Variants in CDK19 observed in about 807,000 individuals in gnomAD.
CDK19 encodes the protein cyclin-dependent kinase 19.
A neutral mutation model predicts 68.3 loss-of-function variants in CDK19; 20 were observed. The ratio of observed to expected loss-of-function variants is 0.29; its 90% confidence interval spans 0.21 to 0.43. The LOEUF (loss-of-function observed/expected upper bound fraction) is 0.43, where lower values mean the gene tolerates loss of function less well. Among genes scored for constraint, CDK19 ranks in the 20% least tolerant of loss-of-function variants. The pLI is 1.00. For missense variants in CDK19, 339 were observed against 623.5 expected, an observed-to-expected ratio of 0.54 and a Z score of 4.86; for synonymous variants, 221 against 222.8, an observed-to-expected ratio of 0.99 and a Z score of 0.07.
intron 4 of CDK19, among the ~76,000 whole-genome samples, chr6:110,641,129 C>T (rs900862923): frequency 1.3e-5 from 2 of 151,858 alleles, no homozygotes; most frequent in Non-Finnish European, 2.9e-5. Context: ...GATTGGTTCA[C>T]CATATGAGAT....
chr6:110,811,294 C>G (rs1470129628), intron 1 of CDK19, among the ~76,000 whole-genome samples: 1 of 152,178 alleles, frequency 6.6e-6, no homozygotes, highest in African/African-American at 2.4e-5. Context: ...TATGCATCTA[C>G]ATGTACTCAT....
At chr6:110,794,763 T>C (rs184270285) in intron 1 of CDK19, among the ~76,000 whole-genome samples, 1 of 152,138 alleles carries the variant, frequency 6.6e-6, no homozygotes, top group Admixed American at 6.6e-5. Context: ...AAACTTTGTT[T>C]ATTCTTCACT....
chr6:110,718,636 TCC>T (rs1393755838), intron 2 of CDK19, among the ~76,000 whole-genome samples: 2 of 31,612 alleles, frequency 6.3e-5, no homozygotes, highest in African/African-American at 2.0e-4. Flanking sequence ...ATCTTCAAAG[TCC>T]AAAAAAAAAA....
intron 2 of CDK19, among the ~76,000 whole-genome samples, chr6:110,687,369 A>G (rs184080777): frequency 3.0e-4 from 45 of 152,324 alleles, no homozygotes; most frequent in Non-Finnish European, 5.0e-4. Flanking sequence ...TGTATTTTAG[A>G]TCACTATGCT....
intron 1 of CDK19, among the ~76,000 whole-genome samples, chr6:110,746,980 T>C (rs998461636): frequency 9.2e-5 from 14 of 152,284 alleles, no homozygotes; most frequent in African/African-American, 3.1e-4. Context: ...TCAAGGGTGC[T>C]GATACCAGAA....
At chr6:110,798,407 C>T (rs1335449240) in intron 1 of CDK19, among the ~76,000 whole-genome samples, 2 of 151,916 alleles carry the variant, frequency 1.3e-5, no homozygotes, top group African/African-American at 2.4e-5. Flanking sequence ...AGTGGATCAC[C>T]AGAGGTCAGG....
At chr6:110,804,930 T>C (rs778593469) in intron 1 of CDK19, among the ~76,000 whole-genome samples, 1 of 151,402 alleles carries the variant, frequency 6.6e-6, no homozygotes, top group Non-Finnish European at 1.5e-5. Context: ...CACTCCAACC[T>C]GGGCGACAGA....
chr6:110,806,993 T>C (rs1398313767), intron 1 of CDK19, among the ~76,000 whole-genome samples: 2 of 145,666 alleles, frequency 1.4e-5, no homozygotes, highest in Non-Finnish European at 3.0e-5. Context: ...ATAAATTAAA[T>C]AAATAAAAAT....
intron 1 of CDK19, among the ~76,000 whole-genome samples, chr6:110,761,857 T>C (rs1372485170): frequency 6.6e-6 from 1 of 152,186 alleles, no homozygotes; most frequent in African/African-American, 2.4e-5. Context: ...TTCACATATT[T>C]ATGGGTATTT....
At chr6:110,752,736 T>C (rs569198783) in intron 1 of CDK19, among the ~76,000 whole-genome samples, 1 of 151,828 alleles carries the variant, frequency 6.6e-6, no homozygotes, top group African/African-American at 2.4e-5. Context: ...TTTACTCCTG[T>C]TTTTGTGTAT....
At chr6:110,770,889 G>A (rs1779967463) in intron 1 of CDK19, among the ~76,000 whole-genome samples, 1 of 152,180 alleles carries the variant, frequency 6.6e-6, no homozygotes, top group African/African-American at 2.4e-5. Flanking sequence ...AAACCCAGCA[G>A]AGCAGTCAAA....
intron 4 of CDK19, among the ~76,000 whole-genome samples, chr6:110,644,097 G>T (rs939927535): frequency 8.6e-5 from 13 of 152,044 alleles, no homozygotes; most frequent in Admixed American, 5.9e-4. Flanking sequence ...TTTGAGACCA[G>T]CCTGGCCAAC....
intron 1 of CDK19, among the ~76,000 whole-genome samples, chr6:110,770,773 G>A (rs1303208585): frequency 6.6e-6 from 1 of 152,146 alleles, no homozygotes; most frequent in Non-Finnish European, 1.5e-5. Flanking sequence ...TCAAAAGCAA[G>A]CTAGTCACTT....
chr6:110,788,306 G>A (rs557929682), intron 1 of CDK19, among the ~76,000 whole-genome samples: 6 of 152,082 alleles, frequency 3.9e-5, no homozygotes, highest in East Asian at 3.9e-4. Flanking sequence ...AGGACTACAG[G>A]TTTGCATCAC....
chr6:110,797,378 AAACAT>A (rs1782015502), intron 1 of CDK19, among the ~76,000 whole-genome samples: 1 of 152,150 alleles, frequency 6.6e-6, no homozygotes, highest in African/African-American at 2.4e-5. Context: ...TGTATTCAAA[AAACAT>A]TTGTCAGTAA....
intron 2 of CDK19, among the ~76,000 whole-genome samples, chr6:110,682,060 T>C (rs1217178226): frequency 6.6e-6 from 1 of 152,210 alleles, no homozygotes; most frequent in Non-Finnish European, 1.5e-5. Context: ...CTTTCTTCCC[T>C]TTTCACTTTC....
intron 1 of CDK19, among the ~76,000 whole-genome samples, chr6:110,808,832 A>T (rs2115148034): frequency 6.6e-6 from 1 of 152,346 alleles, no homozygotes; most frequent in South Asian, 2.1e-4. Context: ...CTAGTCTAGC[A>T]ATTCTAAAAG....
intron 2 of CDK19, among the ~76,000 whole-genome samples, chr6:110,719,615 A>G (rs1025417148): frequency 2.6e-5 from 4 of 152,244 alleles, no homozygotes; most frequent in African/African-American, 4.8e-5. Flanking sequence ...CTTAGACTAG[A>G]AAAGATAATA....
chr6:110,732,535 C>G (rs1357851870), intron 2 of CDK19, among the ~76,000 whole-genome samples: 1 of 151,908 alleles, frequency 6.6e-6, no homozygotes, highest in East Asian at 1.9e-4. Flanking sequence ...GAAAAAAAGT[C>G]ATTCAAGATG....
Sources: gnomAD v4.1 joint callset for allele counts (sites outside exome capture counted in the v4.1 genomes callset) on GRCh38, gnomAD v4.1.1 for gene constraint, MANE v1.5 for transcripts, NCBI Gene and HGNC (gene_info 2026-07-23, HGNC 2026-07-21) for gene names.